Variants in CNTN4 observed in about 807,000 individuals in gnomAD.
The protein encoded by CNTN4 is contactin-4.
CNTN4 carries 77 observed loss-of-function variants against 122.5 expected under a neutral mutation model. The ratio of observed to expected loss-of-function variants is 0.63; its 90% CI spans 0.52 to 0.76. The LOEUF is 0.76. CNTN4 is among the 30% of genes least tolerant of loss of function. The pLI is 0.00. For synonymous variants in CNTN4, 512 were observed against 447.0 expected (o/e 1.15, Z -1.83); for missense variants, 1,256 against 1,259.1 (o/e 1.00, Z 0.04).
At chr3:2,125,556 CTTTTTCTTTTTT>C (rs1446435188) in intron 2 of CNTN4, among the ~76,000 whole-genome samples, 1 of 133,334 alleles carries the variant, frequency 7.5e-6, no homozygotes, top group Non-Finnish European at 1.6e-5. Context: ...TTTTCTTTTT[CTTTTTCTTTTTT>C]TTTTTTTTTG....
intron 3 of CNTN4, among the ~76,000 whole-genome samples, chr3:2,416,767 C>CCTCA (rs769532195): frequency 2.6e-5 from 4 of 152,120 alleles, no homozygotes; most frequent in Non-Finnish European, 5.9e-5. Context: ...CATTCTCCTG[C>CCTCA]CTCAGCCTCC....
chr3:2,131,964 A>T (rs986001943), intron 2 of CNTN4, among the ~76,000 whole-genome samples: 1 of 152,086 alleles, frequency 6.6e-6, no homozygotes, highest in Non-Finnish European at 1.5e-5. Context: ...TTCATACCCT[A>T]TGTGTTCATA....
At chr3:2,393,880 C>T (rs1448399977) in intron 3 of CNTN4, among the ~76,000 whole-genome samples, 1 of 152,050 alleles carries the variant, frequency 6.6e-6, no homozygotes, top group African/African-American at 2.4e-5. Flanking sequence ...ATCATTGTCA[C>T]TGCTCTTGGT....
intron 2 of CNTN4, among the ~76,000 whole-genome samples, chr3:2,242,138 A>C (rs2039965617): frequency 6.6e-6 from 1 of 152,192 alleles, no homozygotes; most frequent in African/African-American, 2.4e-5. Context: ...TTTTAAAATT[A>C]AGGGTCAGGA....
chr3:2,337,442 A>G (rs1427049051), intron 2 of CNTN4, among the ~76,000 whole-genome samples: 1 of 152,150 alleles, frequency 6.6e-6, no homozygotes, highest in Non-Finnish European at 1.5e-5. Flanking sequence ...TACTATAACT[A>G]GTGGCTAAAC....
At chr3:2,629,101 G>C (rs2082315948) in intron 4 of CNTN4, among the ~76,000 whole-genome samples, 1 of 152,158 alleles carries the variant, frequency 6.6e-6, no homozygotes, top group South Asian at 2.1e-4. Context: ...TCAAATTGAA[G>C]CCTTAACCCC....
At chr3:2,601,997 G>A (rs550279786) in intron 4 of CNTN4, among the ~76,000 whole-genome samples, 35 of 152,202 alleles carry the variant, frequency 2.3e-4, no homozygotes, top group African/African-American at 7.9e-4. Flanking sequence ...AAAACCACAT[G>A]ATTATCTCAG....
chr3:2,747,261 T>G (rs548344041), intron 6 of CNTN4, among the ~76,000 whole-genome samples: 43 of 150,176 alleles, frequency 2.9e-4, no homozygotes, highest in African/African-American at 9.7e-4. Context: ...TACAAAAAAT[T>G]AGCCGGGCGC....
chr3:2,102,960 A>C (rs935856941), intron 2 of CNTN4, among the ~76,000 whole-genome samples: 2 of 152,050 alleles, frequency 1.3e-5, no homozygotes, highest in African/African-American at 4.8e-5. Flanking sequence ...AATGGATACA[A>C]TAAATAATAA....
chr3:2,287,678 AGAAGAAGAAGAAGAG>A (rs1559415562), intron 2 of CNTN4, among the ~76,000 whole-genome samples: 2,888 of 79,550 alleles, frequency 0.036, 49 homozygotes, highest in Middle Eastern at 0.067. Flanking sequence ...AAGAAGAAGA[AGAAGAAGAAGAAGAG>A]GAAGAAGAAG....
At chr3:2,973,315 A>G (rs1419760123) in intron 13 of CNTN4, among the ~76,000 whole-genome samples, 6 of 152,056 alleles carry the variant, frequency 3.9e-5, no homozygotes, top group African/African-American at 1.5e-4. Flanking sequence ...GTATTAACTT[A>G]AGCACATAGC....
chr3:2,503,535 C>T (rs2076652798), intron 3 of CNTN4, among the ~76,000 whole-genome samples: 1 of 152,096 alleles, frequency 6.6e-6, no homozygotes. Flanking sequence ...TAAGTACTAT[C>T]ATTATCCCCA....
chr3:2,143,430 C>A (rs924669168), intron 2 of CNTN4, among the ~76,000 whole-genome samples: 3 of 152,152 alleles, frequency 2.0e-5, no homozygotes. Flanking sequence ...TTATCAGATT[C>A]ATATTCTCCT....
intron 6 of CNTN4, among the ~76,000 whole-genome samples, chr3:2,803,700 C>T (rs2092399350): frequency 6.6e-6 from 1 of 151,954 alleles, no homozygotes; most frequent in African/African-American, 2.4e-5. Flanking sequence ...GCTGGGATTA[C>T]TGGTGCCTGC....
chr3:2,897,650 C>T (rs1240562273), intron 10 of CNTN4, among the ~76,000 whole-genome samples: 1 of 152,122 alleles, frequency 6.6e-6, no homozygotes, highest in Non-Finnish European at 1.5e-5. Flanking sequence ...ATACCTTATA[C>T]ACACAGCCTG....
At chr3:2,212,028 C>T (rs2149444500) in intron 2 of CNTN4, among the ~76,000 whole-genome samples, 1 of 152,270 alleles carries the variant, frequency 6.6e-6, no homozygotes, top group Middle Eastern at 3.4e-3. Context: ...GACGGGAGTG[C>T]AGTGGCACAA....
intron 2 of CNTN4, among the ~76,000 whole-genome samples, chr3:2,328,313 G>A (rs572048879): frequency 3.3e-4 from 50 of 150,816 alleles, no homozygotes; most frequent in African/African-American, 1.2e-3. Context: ...GGCTGAGGCA[G>A]GAGAATGGCG....
chr3:2,726,739 A>G (rs189846152), intron 4 of CNTN4, among the ~76,000 whole-genome samples: 95 of 152,294 alleles, frequency 6.2e-4, no homozygotes, highest in Admixed American at 4.0e-3. Flanking sequence ...ACTCTGTGTG[A>G]TATTGTAATG....
At chr3:2,256,460 A>T (rs1011726372) in intron 2 of CNTN4, among the ~76,000 whole-genome samples, 1 of 152,198 alleles carries the variant, frequency 6.6e-6, no homozygotes, top group Non-Finnish European at 1.5e-5. Flanking sequence ...CATCATCCTG[A>T]TACCAAAACC....
Sources: allele counts gnomAD v4.1 joint callset (sites outside exome capture counted in the v4.1 genomes callset), GRCh38; gene constraint gnomAD v4.1.1; transcripts MANE v1.5; gene names NCBI Gene and HGNC (gene_info 2026-07-23, HGNC 2026-07-21).